FBXO27: variants seen among roughly 807,000 people sequenced by gnomAD.
The protein encoded by FBXO27 is F-box protein 27.
FBXO27 carries 28 observed loss-of-function variants against 28.3 expected under a neutral mutation model. The ratio of observed to expected loss-of-function variants is 0.99; its 90% CI spans 0.73 to 1.36. The LOEUF (loss-of-function observed/expected upper bound fraction) is 1.36. Among genes scored for constraint, FBXO27 ranks in the 40% most tolerant of loss-of-function variants. The probability of loss-of-function intolerance (pLI) is 0.00; values close to 1 mark genes in which losing one functional copy is unlikely to be tolerated. For synonymous variants in FBXO27, 175 were observed against 167.3 expected, an observed-to-expected ratio of 1.05 and a Z score of -0.36; for missense variants, 388 against 394.1, an observed-to-expected ratio of 0.98 and a Z score of 0.13.
chr19:39,022,124 T>A (rs2072847959), downstream of FBXO27, among the ~76,000 whole-genome samples: 1 of 151,138 alleles, frequency 6.6e-6, no homozygotes, highest in African/African-American at 2.4e-5. Context: ...GTGGAAGTTT[T>A]TTTCCCCAAA....
At chr19:39,031,356 T>C (rs1600229386) in intron 2 of FBXO27, 36 bp from the exon 3 acceptor site, 5 of 1,604,882 alleles carry the variant, frequency 3.1e-6, no homozygotes, top group Non-Finnish European at 3.4e-6. Context: ...CAAGTTCCAG[T>C]CGCCCGCCTG....
chr19:39,025,677 T>C, intron 5 of FBXO27, 123 bp from the exon 6 acceptor site: 1 of 1,265,766 alleles, frequency 7.9e-7, no homozygotes, highest in South Asian at 1.6e-5. Context: ...TTGGGCCACA[T>C]GTTCTTCTAG....
Position 39,031,914 on chromosome 19 carries a change from C to T in FBXO27, c.314G>A (p.Cys105Tyr), listed in dbSNP as rs1600229751. Residue 105 changes from cysteine to tyrosine, a missense_variant, in exon 2 of 6, where the codon TGC becomes TAC. Transcript: ENST00000292853. ...NARPCPLGRF[C>Y]ARRPIGRNLI... ...GTTGCGTCCGATGGGTCTGCGCGCG[C>T]AGAAGCGGCCCAGGGGGCAAGGCCT... The T allele has an allele frequency of 1.3e-6, 2 of 1,504,628 alleles. No homozygotes were observed. Among genetic ancestry groups the T allele is most frequent in the South Asian group, 1.3e-5 (1 of 76,884 alleles). The allele number at this position is 1,504,628 out of a possible 1,614,324, so 93.2% of individuals were successfully genotyped here. A position where few individuals can be genotyped will look rare whatever the true frequency, so the allele number is the denominator to read the frequency against.
rs771683753 is a variant in FBXO27 at position 39,026,934 on chromosome 19, A to T, written c.644T>A (p.Val215Asp). The change falls in exon 5 of 6, where the codon GTT (valine) becomes GAT (aspartate). Residue 215 changes from valine (V) to aspartate (D), a missense_variant. By Grantham distance (152) the Val-to-Asp change is radical. Coordinates refer to ENST00000292853, the MANE Select transcript of FBXO27 (RefSeq NM_178820.5). ...LVQLLDANQT[V>D]LDKFSAVPDP... Reference sequence around the variant, plus strand: ...AGGCACAGCAGAGAATTTATCTAGAACAGTCTGGTTGGCGTCTAGAAGTTG... The same window carrying T: ...AGGCACAGCAGAGAATTTATCTAGATCAGTCTGGTTGGCGTCTAGAAGTTG... The T allele has an allele frequency of 6.2e-7, 1 of 1,614,152 alleles. No individual in the cohort carries two copies. The highest frequency in any genetic ancestry group is 1.1e-5 in the South Asian group (1 of 91,082).
intron 5 of FBXO27, among the ~76,000 whole-genome samples, 156 bp from the exon 6 acceptor site, chr19:39,025,710 C>G (rs941383105): frequency 6.6e-6 from 1 of 152,078 alleles, no homozygotes; most frequent in African/African-American, 2.4e-5. Flanking sequence ...TCTTCCACTC[C>G]CTCATTAAAA....
downstream of FBXO27, among the ~76,000 whole-genome samples, chr19:39,021,741 C>A (rs2072846028): frequency 1.3e-5 from 2 of 151,996 alleles, no homozygotes; most frequent in South Asian, 4.1e-4. Flanking sequence ...TGGCTCACTG[C>A]AACCTCTGCC....
intron 4 of FBXO27, among the ~76,000 whole-genome samples, chr19:39,029,042 TAAAAAA>T (rs1249127334): frequency 2.2e-5 from 2 of 91,934 alleles, no homozygotes; most frequent in Non-Finnish European, 4.3e-5. Context: ...ACTCTGTCTC[TAAAAAA>T]AAAAAAAAAA....
At chr19:39,028,055 A>G (rs191101661) in intron 4 of FBXO27, among the ~76,000 whole-genome samples, 14 of 151,762 alleles carry the variant, frequency 9.2e-5, no homozygotes, top group African/African-American at 3.4e-4. Flanking sequence ...AGCCTGGCCA[A>G]CATGGTGAAA....
downstream of FBXO27, among the ~76,000 whole-genome samples, chr19:39,023,644 C>T (rs141247166): frequency 3.3e-5 from 5 of 151,630 alleles, no homozygotes; most frequent in African/African-American, 9.7e-5. Flanking sequence ...GACGGAGTCT[C>T]GCTCTTTCGC....
At chr19:39,010,717 T>C (rs1018236119) in intron 2 of FBXO27, among the ~76,000 whole-genome samples, 1 of 152,250 alleles carries the variant, frequency 6.6e-6, no homozygotes, top group Non-Finnish European at 1.5e-5. Context: ...AAATCACCCC[T>C]TAATCTGCAT....
chr19:39,007,326 G>A (rs1975743162), intron 2 of FBXO27, among the ~76,000 whole-genome samples: 1 of 152,182 alleles, frequency 6.6e-6, no homozygotes, highest in Non-Finnish European at 1.5e-5. Flanking sequence ...CATGACAACA[G>A]TGTCTCTGCC....
chr19:39,010,567 G>T (rs2072789833), intron 2 of FBXO27, among the ~76,000 whole-genome samples: 1 of 152,194 alleles, frequency 6.6e-6, no homozygotes, highest in African/African-American at 2.4e-5. Context: ...GGTGGAATGA[G>T]CTTTCCGTAA....
chr19:39,012,309 C>T (rs920425942), intron 2 of FBXO27, among the ~76,000 whole-genome samples: 3 of 151,850 alleles, frequency 2.0e-5, no homozygotes, highest in Non-Finnish European at 4.4e-5. Context: ...CTCAGCCTTC[C>T]GAGTAGCTGC....
Position 39,031,311 on chromosome 19 carries a change from C to T in FBXO27, c.374G>A (p.Arg125Gln), listed in dbSNP as rs780227318. ...IRNPCGQEGL[R>Q]KWMVQHGGDG... ...CCCACCGTGTTGCACCATCCACTTT[C>T]GGAGGCCTTCTGTGAAATAAAAAAG... Residue 125 changes from arginine to glutamine, a missense_variant, in exon 3 of 6, where the codon CGA becomes CAA. Transcript: ENST00000292853. 50 of 1,613,950 alleles carry T rather than the reference C, an allele frequency of 3.1e-5. No homozygotes were observed. The highest frequency in any genetic ancestry group is 4.2e-5 in the Non-Finnish European group (50 of 1,179,898).
chr19:39,022,917 C>A (rs543412324), downstream of FBXO27, among the ~76,000 whole-genome samples: 29 of 152,212 alleles, frequency 1.9e-4, no homozygotes, highest in African/African-American at 6.0e-4. Flanking sequence ...CCTGCCTCAG[C>A]CTCCCAAGTA....
intron 1 of FBXO27, among the ~76,000 whole-genome samples, chr19:39,015,722 G>T (rs2072816670): frequency 6.6e-6 from 1 of 152,086 alleles, no homozygotes; most frequent in African/African-American, 2.4e-5. Context: ...GATACATACT[G>T]CATGATTCCA....
chr19:39,025,068 T>C lies in FBXO27; in HGVS notation c.*343A>G. 1 of 244,304 alleles carries C rather than the reference T, an allele frequency of 4.1e-6. No homozygotes were observed. The highest frequency in any genetic ancestry group is 8.7e-5 in the East Asian group (1 of 11,440). The allele number at this position is 244,304 out of a possible 1,614,324, so 15.1% of individuals were successfully genotyped here. A position where few individuals can be genotyped will look rare whatever the true frequency, so the allele number is the denominator to read the frequency against. ...GGGGAGGGGATGGTACAGAGGGGCC[T>C]GGGGCTGGATCGGAGGGTTTTGGTT... On this transcript the variant is annotated 3_prime_UTR_variant, in exon 6 of 6. Transcript: ENST00000292853.
At chr19:39,031,437 T>C in intron 2 of FBXO27, 117 bp from the exon 3 acceptor site, 1 of 872,518 alleles carries the variant, frequency 1.1e-6, no homozygotes, top group Admixed American at 2.4e-5. Flanking sequence ...ACCTGACCCT[T>C]CCCACCGAGG....
At chr19:39,013,147 A>G (rs1289855232) in intron 2 of FBXO27, among the ~76,000 whole-genome samples, 2 of 152,120 alleles carry the variant, frequency 1.3e-5, no homozygotes, top group Non-Finnish European at 2.9e-5. Context: ...AGCAGGAGAG[A>G]AGTGGGGAAG....
Sources: allele counts gnomAD v4.1 joint callset (sites outside exome capture counted in the v4.1 genomes callset), GRCh38; gene constraint gnomAD v4.1.1; transcripts MANE v1.5; gene names NCBI Gene and HGNC (gene_info 2026-07-23, HGNC 2026-07-21).